The following SLC24A2 variants were observed in gnomAD, a reference collection of about 807,000 sequenced individuals.
SLC24A2 encodes the protein solute carrier family 24 member 2, also known as sodium/potassium/calcium exchanger 2.
SLC24A2 carries 36 observed loss-of-function variants against 62.0 expected under a neutral mutation model. The observed-to-expected ratio is 0.58, with a 90% CI of 0.44 to 0.77. The LOEUF is 0.77. Among genes scored for constraint, SLC24A2 ranks in the 30% least tolerant of loss-of-function variants. The pLI, the probability that SLC24A2 is intolerant of heterozygous loss-of-function variation, is 0.00. For synonymous variants in SLC24A2, 358 were observed against 294.0 expected, an observed-to-expected ratio of 1.22 and a Z score of -2.23; for missense variants, 846 against 817.9, an observed-to-expected ratio of 1.03 and a Z score of -0.42.
the SLC24A2 span, among the ~76,000 whole-genome samples, chr9:20,172,880 G>A: frequency 5.6e-4 from 84 of 151,252 alleles, no homozygotes; most frequent in Non-Finnish European, 3.9e-4. Context: ...CCAAAACCAG[G>A]AAAGACATAA....
chr9:19,765,533 T>G (rs1357270558), intron 2 of SLC24A2, among the ~76,000 whole-genome samples: 2 of 152,196 alleles, frequency 1.3e-5, no homozygotes, highest in Non-Finnish European at 2.9e-5. Flanking sequence ...CTGTAAAGGA[T>G]TTTATTTCTC....
intron 8 of SLC24A2, among the ~76,000 whole-genome samples, chr9:19,530,213 G>A (rs150384282): frequency 6.6e-6 from 1 of 151,552 alleles, no homozygotes; most frequent in East Asian, 1.9e-4. Context: ...TCTGGTCACA[G>A]TCACTGTTTC....
At chr9:20,171,431 A>G in the SLC24A2 span, among the ~76,000 whole-genome samples, 1 of 152,206 alleles carries the variant, frequency 6.6e-6, no homozygotes, top group African/African-American at 2.4e-5. Flanking sequence ...TGCAGAATGG[A>G]TAAGAATTCA....
the SLC24A2 span, among the ~76,000 whole-genome samples, chr9:20,116,272 T>C: frequency 6.6e-6 from 1 of 152,100 alleles, no homozygotes; most frequent in Non-Finnish European, 1.5e-5. Flanking sequence ...CTTCACTTAT[T>C]CAAAAGCTTT....
At chr9:19,710,179 T>A (rs1265665151) in intron 2 of SLC24A2, among the ~76,000 whole-genome samples, 7 of 152,094 alleles carry the variant, frequency 4.6e-5, no homozygotes, top group East Asian at 1.9e-4. Flanking sequence ...TCTGAAAAAA[T>A]TTTTTTGACT....
intron 8 of SLC24A2, among the ~76,000 whole-genome samples, chr9:19,542,334 T>A (rs1267264846): frequency 6.6e-6 from 1 of 152,204 alleles, no homozygotes; most frequent in African/African-American, 2.4e-5. Context: ...TTAAGGAGAT[T>A]TTGGGCTGGG....
At chr9:19,758,323 G>A (rs1419485643) in intron 2 of SLC24A2, among the ~76,000 whole-genome samples, 1 of 152,164 alleles carries the variant, frequency 6.6e-6, no homozygotes. Context: ...CTGTGAAGAA[G>A]ATAGACACAG....
intron 5 of SLC24A2, among the ~76,000 whole-genome samples, chr9:19,578,215 T>A (rs962943749): frequency 6.6e-6 from 1 of 152,066 alleles, no homozygotes; most frequent in East Asian, 1.9e-4. Flanking sequence ...ATACCACCTG[T>A]ACCCCAATAA....
At chr9:20,008,626 C>T in the SLC24A2 span, among the ~76,000 whole-genome samples, 6 of 152,262 alleles carry the variant, frequency 3.9e-5, no homozygotes, top group East Asian at 1.2e-3. Flanking sequence ...GTAGAGTGTG[C>T]TCCCATCTTC....
chr9:20,087,505 A>T, the SLC24A2 span, among the ~76,000 whole-genome samples: 1 of 152,348 alleles, frequency 6.6e-6, no homozygotes, highest in Middle Eastern at 3.4e-3. Flanking sequence ...CTGCTCTCAA[A>T]GTATAGATCC....
At chr9:19,556,455 CAG>C (rs1428458238) in intron 7 of SLC24A2, among the ~76,000 whole-genome samples, 1 of 152,184 alleles carries the variant, frequency 6.6e-6, no homozygotes, top group Non-Finnish European at 1.5e-5. Flanking sequence ...TCTCTCCTAT[CAG>C]AGAATTAAAG....
the SLC24A2 span, among the ~76,000 whole-genome samples, chr9:20,087,485 TTG>T: frequency 6.6e-6 from 1 of 152,156 alleles, no homozygotes; most frequent in Admixed American, 6.5e-5. Flanking sequence ...AAGAAATAAT[TTG>T]TGTAAATCTG....
At chr9:19,799,939 G>T in the SLC24A2 span, among the ~76,000 whole-genome samples, 1 of 152,156 alleles carries the variant, frequency 6.6e-6, no homozygotes, top group African/African-American at 2.4e-5. Context: ...ATCAAGCATG[G>T]TTAAGGCTCC....
chr9:19,745,081 C>T (rs183003895), intron 2 of SLC24A2, among the ~76,000 whole-genome samples: 2 of 152,248 alleles, frequency 1.3e-5, no homozygotes, highest in African/African-American at 4.8e-5. Context: ...GGCTTAGTGC[C>T]ATCCCTTTGG....
At position 19,546,069 on chromosome 9, in the gene SLC24A2, C is replaced by T. The variant is rs183748104; in HGVS notation, c.1479+4068G>A. Among the ~76,000 whole-genome samples, 80 of 152,340 alleles carry T rather than the reference C, an allele frequency of 5.3e-4. 1 individual carries two copies. The highest frequency in any genetic ancestry group is 9.7e-4 in the Non-Finnish European group (66 of 68,044). ...CAAAGACTGCTGCGTGTTGTTTCCT[C>T]TGGAACCTTTGTCTCATACGGGCAC... On this transcript the variant is annotated intron_variant, in intron 8 of 10. Coordinates refer to ENST00000341998, the MANE Select transcript of SLC24A2 (RefSeq NM_020344.4).
the SLC24A2 span, among the ~76,000 whole-genome samples, chr9:20,015,167 A>G: frequency 2.0e-5 from 3 of 152,210 alleles, no homozygotes. Flanking sequence ...ATCTTCATGT[A>G]TATAATACAG....
chr9:19,531,458 T>C (rs760254634), intron 8 of SLC24A2, among the ~76,000 whole-genome samples: 2 of 152,182 alleles, frequency 1.3e-5, no homozygotes, highest in East Asian at 1.9e-4. Flanking sequence ...AATAAGCAAA[T>C]TGCATCCATG....
At chr9:19,744,701 C>G (rs1411503171) in intron 2 of SLC24A2, among the ~76,000 whole-genome samples, 3 of 152,200 alleles carry the variant, frequency 2.0e-5, no homozygotes, top group African/African-American at 7.2e-5. Flanking sequence ...AAATTGAACA[C>G]TGTGGCTTGT....
the SLC24A2 span, among the ~76,000 whole-genome samples, chr9:20,009,908 T>C: frequency 1.3e-5 from 2 of 152,156 alleles, no homozygotes; most frequent in South Asian, 2.1e-4. Flanking sequence ...CCACCTTGTG[T>C]GGCCAAACAA....
Sources: allele counts gnomAD v4.1 joint callset (sites outside exome capture counted in the v4.1 genomes callset), GRCh38; gene constraint gnomAD v4.1.1; transcripts MANE v1.5; gene names NCBI Gene and HGNC (gene_info 2026-07-23, HGNC 2026-07-21).